The following LRP4 variants were observed in gnomAD, a reference collection of about 807,000 sequenced individuals.
LRP4 encodes the protein low-density lipoprotein receptor-related protein 4.
LRP4 carries 95 observed loss-of-function variants against 220.3 expected under a neutral mutation model. The ratio of observed to expected loss-of-function variants is 0.43; its 90% CI spans 0.37 to 0.51. LRP4 has a LOEUF of 0.51. Ranked by LOEUF, LRP4 falls within the 20% of genes least tolerant of loss-of-function variation. The pLI, the probability that LRP4 is intolerant of heterozygous loss-of-function variation, is 0.00. For missense variants in LRP4, 1,925 were observed against 2,567.0 expected (o/e 0.75, Z 5.40); for synonymous variants, 903 against 954.6 (o/e 0.95, Z 1.00).
Position 46,886,334 on chromosome 11 carries a change from T to A in LRP4, c.2415A>T (p.Thr805=). The change falls in exon 17 of 38, where the codon ACA becomes ACT. Residue 805 remains threonine, a synonymous_variant. Transcript: ENST00000378623. Reference sequence around the variant, plus strand: ...CCACGCTGGGCCCTACCTCCTGTCCTGTTCCATCCCACTTGGCCCTGCTGA... The same window carrying A: ...CCACGCTGGGCCCTACCTCCTGTCCAGTTCCATCCCACTTGGCCCTGCTGA... ...DTISRAKWDG[T]GQEVVVDTSL... is the part of the protein sequence containing the mutation. 1.3e-6 allele frequency: 2 copies of A among 1,585,962 alleles called. No individual in the cohort carries two copies. The highest frequency in any genetic ancestry group is 1.7e-6 in the Non-Finnish European group (2 of 1,164,742).
chr11:46,868,570 G>A (rs377298830), intron 33 of LRP4, 30 bp downstream of exon 33: 204 of 1,512,140 alleles, frequency 1.3e-4, no homozygotes, highest in Non-Finnish European at 1.7e-4. Flanking sequence ...GGGCTCTGCC[G>A]AGTGGCTCCA....
In LRP4 at chr11:46,876,527, T is replaced by C. The variant is rs777813275; in HGVS notation, c.3475A>G (p.Lys1159Glu). Residue 1159 changes from lysine (K) to glutamate (E), a missense_variant, in exon 25 of 38, where the codon AAA becomes GAA. Coordinates refer to ENST00000378623, the MANE Select transcript of LRP4 (RefSeq NM_002334.4). Reference sequence around the variant, plus strand: ...TCAAGGTTCTGCCACACCAACACTTTCCGCATGGACCCGTCCAGGTTGCCC... The same window carrying C: ...TCAAGGTTCTGCCACACCAACACTTCCCGCATGGACCCGTCCAGGTTGCCC... Reference protein sequence around the residue: ...EVGNLDGSMRKVLVWQNLDSP... With the variant: ...EVGNLDGSMREVLVWQNLDSP... 1 of 1,614,148 alleles carries C rather than the reference T, an allele frequency of 6.2e-7. No individual in the cohort carries two copies. Among genetic ancestry groups the C allele is most frequent in the Admixed American group, 1.7e-5 (1 of 60,010 alleles).
At chr11:46,889,338 C>G (rs779325983) in intron 16 of LRP4, 73 bp downstream of exon 16, 1 of 1,593,876 alleles carries the variant, frequency 6.3e-7, no homozygotes, top group East Asian at 2.2e-5. Context: ...AATCCCTCCA[C>G]GTCCTATCCC....
intron 23 of LRP4, 152 bp from the exon 24 acceptor site, chr11:46,876,982 G>T (rs3816615): frequency 1.2e-6 from 1 of 856,234 alleles, no homozygotes; most frequent in Admixed American, 1.9e-5. Context: ...ATCATAGCAG[G>T]ATAGCTCTTG....
At position 46,898,909 on chromosome 11, in the gene LRP4, T is replaced by G. The variant is rs1254162449; in HGVS notation, c.671A>C (p.Asp224Ala). 1.2e-6 allele frequency: 2 copies of G among 1,613,742 alleles called. No homozygotes were observed. Among genetic ancestry groups the G allele is most frequent in the Non-Finnish European group, 1.7e-6 (2 of 1,179,998 alleles). ...DDCGDWSDESDCSSHQPCRSG... is the reference protein window; with the variant it reads ...DDCGDWSDESACSSHQPCRSG... ...CAGCTGGCCAGAGTACTCACAGCAG[T>G]CAGACTCGTCTGACCAGTCTCCACA... The change falls in exon 6 of 38, where the codon GAC becomes GCC. Residue 224 changes from aspartate to alanine, a missense_variant. By Grantham distance (126) the Asp-to-Ala change is moderately radical. Coordinates refer to ENST00000378623, the MANE Select transcript of LRP4 (RefSeq NM_002334.4).
intron 7 of LRP4, among the ~76,000 whole-genome samples, chr11:46,898,334 C>A (rs1287107311): frequency 2.0e-5 from 3 of 152,186 alleles, no homozygotes; most frequent in Admixed American, 6.5e-5. Context: ...TACAGGCATG[C>A]GCCACCACAC....
chr11:46,889,652 T>A (rs891064345), intron 15 of LRP4, 119 bp from the exon 16 acceptor site: 7 of 1,383,888 alleles, frequency 5.1e-6, no homozygotes, highest in Non-Finnish European at 7.0e-6. Flanking sequence ...ATGTCTTATA[T>A]TTTTGACATC....
intron 31 of LRP4, among the ~76,000 whole-genome samples, chr11:46,871,066 C>T (rs910957379): frequency 2.6e-5 from 4 of 152,208 alleles, no homozygotes; most frequent in African/African-American, 9.7e-5. Flanking sequence ...TACTTACAAA[C>T]TGGCTAGATG....
chr11:46,859,801 A>T (rs1038949778), intron 37 of LRP4, among the ~76,000 whole-genome samples: 2 of 152,210 alleles, frequency 1.3e-5, no homozygotes, highest in African/African-American at 4.8e-5. Context: ...TGCTGATATA[A>T]ATCATCAAAA....
Position 46,873,773 on chromosome 11 carries a change from G to T in LRP4, c.4230-180C>A. 1 of 586,350 alleles carries T rather than the reference G, an allele frequency of 1.7e-6. No homozygotes were observed. The highest frequency in any genetic ancestry group is 3.0e-6 in the Non-Finnish European group (1 of 331,164). The allele number at this position is 586,350 out of a possible 1,614,324, so 36.3% of individuals were successfully genotyped here. ...ATAGATGTTCAATAAAATAATTGCAGAATGAAGGAACCAGTTCTTAGGAGG... is the reference window on the plus strand; with the variant it reads ...ATAGATGTTCAATAAAATAATTGCATAATGAAGGAACCAGTTCTTAGGAGG... On this transcript the variant is annotated intron_variant, in intron 28 of 37. Transcript: ENST00000378623. The surrounding 1 kb of genome is among the most constrained non-coding windows in gnomAD (Gnocchi z 4.2).
rs746759136 is a variant in LRP4 at position 46,894,642 on chromosome 11, T to G, written c.1487A>C (p.Asn496Thr). The change falls in exon 12 of 38, where the codon AAC becomes ACC. Residue 496 changes from asparagine to threonine, a missense_variant. Asn to Thr is a moderately conservative substitution (Grantham distance 65). This residue lies in a region of LRP4 where 269 missense variants were observed against 436.7 expected (regional missense o/e 0.62). Coordinates refer to ENST00000378623, the MANE Select transcript of LRP4 (RefSeq NM_002334.4). ...CTCCTCCACGTTGCTGCCGTTGAGG[T>G]TGGCACGGAGGATCCGGTCCAGGGT... The part of the protein sequence containing the change: ...DVTLDRILRA[N>T]LNGSNVEEVV... The G allele has an allele frequency of 1.2e-5, 19 of 1,613,894 alleles. No homozygotes were observed. Among genetic ancestry groups the G allele is most frequent in the Non-Finnish European group, 1.6e-5 (19 of 1,179,960 alleles).
At position 46,863,566 on chromosome 11, in the gene LRP4, C is replaced by G. The variant is rs544332123; in HGVS notation, c.5244-819G>C. ...CAGCCTGACCAACATGGAAGAAACC[C>G]TCTCTCTACTAAAAATACAAAAAAA... On this transcript the variant is annotated intron_variant, in intron 36 of 37. Transcript: ENST00000378623. Among the ~76,000 whole-genome samples, 62 of 137,952 alleles carry G rather than the reference C, an allele frequency of 4.5e-4. 1 individual carries two copies. In the South Asian group the frequency reaches 0.014, roughly 31 times the overall value. 90.5% of individuals were successfully genotyped at this position (137,952 alleles called of 152,430 possible). A position where few individuals can be genotyped will look rare whatever the true frequency, so the allele number is the denominator to read the frequency against.
chr11:46,874,822 C>G lies in LRP4; in HGVS notation c.4207G>C (p.Asp1403His), dbSNP rs1940965143. 6.2e-7 allele frequency: 1 copy of G among 1,613,988 alleles called. No homozygotes were observed. The highest frequency in any genetic ancestry group is 8.5e-7 in the Non-Finnish European group (1 of 1,179,846). ...DSVDGKVYYT[D>H]VFLDVIRRAD... ...TACCTGATAACATCCAGGAACACAT[C>G]TGTGTAATAGACCTTTCCATCCACG... The change falls in exon 28 of 38, where the codon GAT (aspartate) becomes CAT (histidine). Residue 1403 changes from aspartate to histidine, a missense_variant. Physicochemically the swap from Asp to His is moderately conservative, Grantham distance 81. Coordinates refer to ENST00000378623, the MANE Select transcript of LRP4 (RefSeq NM_002334.4).
rs1021358908 is a variant in LRP4, at chr11:46,865,204, C to G, written c.5088-18G>C. 1.3e-6 allele frequency: 2 copies of G among 1,544,878 alleles called. No individual in the cohort carries two copies. Among genetic ancestry groups the G allele is most frequent in the African/African-American group, 1.4e-5 (1 of 72,980 alleles). ...CAGAGCATCTGTGGGGCACAGAAAA[C>G]TGGATGTGAAGCCTACTCATACTCA... On this transcript the variant is annotated intron_variant, in intron 34 of 37. Transcript: ENST00000378623.
intron 2 of LRP4, among the ~76,000 whole-genome samples, chr11:46,901,333 G>A (rs918828448): frequency 6.6e-6 from 1 of 152,134 alleles, no homozygotes; most frequent in African/African-American, 2.4e-5. Context: ...AATGATGATT[G>A]ACACACCCGG....
chr11:46,902,790 A>T lies in LRP4; in HGVS notation c.192T>A (p.Asp64Glu), dbSNP rs747813561. 6.2e-7 allele frequency: 1 copy of T among 1,613,756 alleles called. No individual in the cohort carries two copies. The highest frequency in any genetic ancestry group is 8.5e-7 in the Non-Finnish European group (1 of 1,179,970). Residue 64 changes from aspartate to glutamate, a missense_variant, in exon 2 of 38, where the codon GAT (aspartate) becomes GAA (glutamate). By Grantham distance (45) the Asp-to-Glu change is conservative. Coordinates refer to ENST00000378623, the MANE Select transcript of LRP4 (RefSeq NM_002334.4). ...DNDCGDHSDE[D>E]GCILPTCSPL... ...CTCTGGGGAGGTACTTACTACATCC[A>T]TCCTCATCGCTGTGGTCCCCGCAGT...
chr11:46,866,291 G>GTT (rs534050205), intron 34 of LRP4, among the ~76,000 whole-genome samples: 1 of 144,174 alleles, frequency 6.9e-6, no homozygotes. Flanking sequence ...TTTGTTTTTT[G>GTT]TTTTTTTTTT....
chr11:46,859,935 T>C (rs1940497035), intron 37 of LRP4, among the ~76,000 whole-genome samples: 1 of 152,140 alleles, frequency 6.6e-6, no homozygotes, highest in Admixed American at 6.6e-5. Flanking sequence ...CAGGGGACTC[T>C]AGAAAATCCT....
At position 46,899,913 on chromosome 11, in the gene LRP4, C is replaced by A; in HGVS notation, c.380G>T (p.Trp127Leu). Residue 127 changes from tryptophan (W) to leucine (L), a missense_variant, in exon 4 of 38, where the codon TGG (tryptophan) becomes TTG (leucine). Transcript: ENST00000378623. This position sits in a 1 kb window ranked among gnomAD's most constrained non-coding sequence, Gnocchi z 5.9. The part of the protein sequence containing the change: ...CQNGYCIRSL[W>L]HCDGDNDCGD... The stretch of plus-strand genomic sequence containing the variant: ...ACAGTCATTGTCACCATCGCAGTGC[C>A]ACAGACTCCGGATGCAGTAGCCATT... The A allele has an allele frequency of 6.2e-7, 1 of 1,613,964 alleles. No individual in the cohort carries two copies. The highest frequency in any genetic ancestry group is 8.5e-7 in the Non-Finnish European group (1 of 1,180,040).
Sources: allele counts gnomAD v4.1 joint callset (sites outside exome capture counted in the v4.1 genomes callset), GRCh38; gene constraint gnomAD v4.1.1; regional missense constraint gnomAD v4.1.1; non-coding constraint Gnocchi (gnomAD v3.1); transcripts MANE v1.5; gene names NCBI Gene and HGNC (gene_info 2026-07-23, HGNC 2026-07-21).